Variants in DNAJB1 observed in about 807,000 individuals in gnomAD.
DNAJB1 encodes dnaJ homolog subfamily B member 1.
A neutral mutation model predicts 24.0 loss-of-function variants in DNAJB1; 14 were observed. The ratio of observed to expected loss-of-function variants is 0.58; its 90% confidence interval spans 0.39 to 0.91. The LOEUF (loss-of-function observed/expected upper bound fraction) is 0.91. DNAJB1 is among the 40% of genes least tolerant of loss of function. The pLI is 0.00. For missense variants in DNAJB1, 517 were observed against 458.1 expected, an observed-to-expected ratio of 1.13 and a Z score of -1.17; for synonymous variants, 262 against 174.4, an observed-to-expected ratio of 1.50 and a Z score of -3.96.
intron 1 of DNAJB1, among the ~76,000 whole-genome samples, chr19:14,558,971 GC>G (rs1425334688): frequency 4.6e-5 from 7 of 152,126 alleles, no homozygotes; most frequent in African/African-American, 1.4e-4. Context: ...TTGGCCTCAG[GC>G]CTGGGCAGGC....
chr19:14,531,828 A>G (rs2146548080), upstream of DNAJB1: 1 of 152,160 alleles, frequency 6.6e-6, no homozygotes, highest in Non-Finnish European at 1.5e-5. Context: ...TTCTAGAATG[A>G]AGTTCTGATG....
At chr19:14,550,872 A>G (rs773831415), upstream of DNAJB1, among the ~76,000 whole-genome samples, 8 of 151,892 alleles carry the variant, frequency 5.3e-5, no homozygotes, top group African/African-American at 9.7e-5. Context: ...GGGTTTCACC[A>G]TGTTAGCCAG....
chr19:14,526,606 T>A (rs2072429609), intron 2 of DNAJB1, among the ~76,000 whole-genome samples: 1 of 152,146 alleles, frequency 6.6e-6, no homozygotes, highest in African/African-American at 2.4e-5. Flanking sequence ...TGAGGATGAT[T>A]TGGTGCCTGT....
upstream of DNAJB1, chr19:14,529,591 C>G (rs45556632): frequency 1.7e-5 from 27 of 1,562,930 alleles, no homozygotes; most frequent in Non-Finnish European, 2.3e-5. Context: ...GACGCAGAGC[C>G]GCGTTTAGTC....
chr19:14,535,245 T>C (rs112212830), intron 1 of DNAJB1, among the ~76,000 whole-genome samples: 52,769 of 151,192 alleles, frequency 0.35, 9,575 homozygotes, highest in Non-Finnish European at 0.41. Flanking sequence ...CAGTGGCTCA[T>C]GCCTGTAATC....
upstream of DNAJB1, among the ~76,000 whole-genome samples, chr19:14,521,777 A>G (rs2072363165): frequency 6.6e-6 from 1 of 152,142 alleles, no homozygotes; most frequent in South Asian, 2.1e-4. Flanking sequence ...GCTTGCGACC[A>G]TGCCTGGCTA....
intron 1 of DNAJB1, among the ~76,000 whole-genome samples, chr19:14,539,402 A>G (rs752578260): frequency 2.0e-5 from 3 of 151,962 alleles, no homozygotes; most frequent in Non-Finnish European, 4.4e-5. Flanking sequence ...ACAAAGAATC[A>G]TCCCAGGAAG....
At chr19:14,549,902 C>G (rs2073435579) in intron 1 of DNAJB1, among the ~76,000 whole-genome samples, 1 of 151,708 alleles carries the variant, frequency 6.6e-6, no homozygotes. Context: ...GAGATTGTGC[C>G]ACTGCGCTCC....
upstream of DNAJB1, among the ~76,000 whole-genome samples, chr19:14,534,656 C>G (rs748770273): frequency 6.6e-6 from 1 of 151,990 alleles, no homozygotes; most frequent in Non-Finnish European, 1.5e-5. Context: ...AGGCTGGTCT[C>G]GAACTCCTGG....
chr19:14,558,141 C>T (rs2073795350), intron 1 of DNAJB1, among the ~76,000 whole-genome samples: 1 of 152,154 alleles, frequency 6.6e-6, no homozygotes, highest in Non-Finnish European at 1.5e-5. Context: ...CCCACTTTGC[C>T]ATGAGTAGAT....
intron 1 of DNAJB1, among the ~76,000 whole-genome samples, chr19:14,548,241 G>A (rs12460232): frequency 1.3e-5 from 2 of 151,870 alleles, no homozygotes; most frequent in Admixed American, 6.6e-5. Context: ...GATTACAGGT[G>A]TGAGCCACTG....
upstream of DNAJB1, chr19:14,529,924 T>G: frequency 1.5e-6 from 1 of 678,262 alleles, no homozygotes; most frequent in South Asian, 1.8e-5. Flanking sequence ...CCAGGCTGTT[T>G]TGGGGGTACT....
chr19:14,525,478 G>A (rs1267086118), intron 2 of DNAJB1, among the ~76,000 whole-genome samples: 5 of 152,072 alleles, frequency 3.3e-5, no homozygotes, highest in Non-Finnish European at 5.9e-5. Flanking sequence ...ATACTATTCA[G>A]CTATAAAAAG....
chr19:14,546,211 G>A (rs1031146043), intron 1 of DNAJB1, among the ~76,000 whole-genome samples: 2 of 152,088 alleles, frequency 1.3e-5, no homozygotes, highest in Admixed American at 6.6e-5. Context: ...AGACATTTCC[G>A]ATCATAGATC....
rs181647368 is a variant in DNAJB1, at chr19:14,540,709, A to G, written c.-214+9499T>C. 8.1e-4 allele frequency among the ~76,000 whole-genome samples: 116 copies of G among 143,056 alleles called. 4 individuals carry two copies. In the East Asian group the frequency reaches 0.019, roughly 24 times the overall value. 93.9% of individuals were successfully genotyped at this position (143,056 alleles called of 152,430 possible). ...GCCTGGCCATAATTTTTGTATTTTT[A>G]GTAGAGGCAAGGTTTCACCATGTTG... On this transcript the variant is annotated intron_variant, in intron 1 of 3. Coordinates refer to the DNAJB1 transcript ENST00000676982.
At chr19:14,559,113 G>A (rs1029298747) in intron 1 of DNAJB1, among the ~76,000 whole-genome samples, 1 of 152,036 alleles carries the variant, frequency 6.6e-6, no homozygotes, top group Non-Finnish European at 1.5e-5. Flanking sequence ...CCTCCCACCC[G>A]ACTGTTTTTA....
intron 1 of DNAJB1, among the ~76,000 whole-genome samples, chr19:14,535,014 G>C (rs2072811740): frequency 6.6e-6 from 1 of 152,096 alleles, no homozygotes; most frequent in Non-Finnish European, 1.5e-5. Flanking sequence ...TGGACTGCTG[G>C]GAGAGGGTCT....
At chr19:14,536,476 G>A (rs535821492) in intron 1 of DNAJB1, among the ~76,000 whole-genome samples, 1 of 152,138 alleles carries the variant, frequency 6.6e-6, no homozygotes, top group Admixed American at 6.5e-5. Context: ...CACCATATTG[G>A]CCAGGCTGGT....
intron 2 of DNAJB1, among the ~76,000 whole-genome samples, chr19:14,524,581 C>T (rs1256288792): frequency 6.6e-6 from 1 of 152,052 alleles, no homozygotes; most frequent in Non-Finnish European, 1.5e-5. Flanking sequence ...TGCGGTGGCT[C>T]ATGCCTGTAA....
Sources: allele counts gnomAD v4.1 joint callset (sites outside exome capture counted in the v4.1 genomes callset), GRCh38; gene constraint gnomAD v4.1.1; transcripts MANE v1.5; gene names NCBI Gene and HGNC (gene_info 2026-07-23, HGNC 2026-07-21).